STPG2: variants seen among roughly 807,000 people sequenced by gnomAD.
STPG2 encodes the protein sperm tail PG-rich repeat containing 2, also known as sperm-tail PG-rich repeat-containing protein 2.
A neutral mutation model predicts 54.2 loss-of-function variants in STPG2; 56 were observed. The ratio of observed to expected loss-of-function variants is 1.03; its 90% confidence interval spans 0.83 to 1.29. The LOEUF is 1.29. Ranked by LOEUF, STPG2 falls within the 50% of genes most tolerant of loss-of-function variation. STPG2 has a pLI of 0.00. For missense variants in STPG2, 596 were observed against 544.9 expected, an observed-to-expected ratio of 1.09 and a Z score of -0.93; for synonymous variants, 200 against 181.8, an observed-to-expected ratio of 1.10 and a Z score of -0.81.
intron 4 of STPG2, among the ~76,000 whole-genome samples, chr4:97,510,455 G>A (rs1193522901): frequency 6.6e-6 from 1 of 152,052 alleles, no homozygotes; most frequent in Non-Finnish European, 1.5e-5. Flanking sequence ...GTAGATAACT[G>A]CAAATCATTG....
intron 10 of STPG2, among the ~76,000 whole-genome samples, chr4:97,578,445 A>G (rs1386606164): frequency 1.3e-5 from 2 of 152,128 alleles, no homozygotes; most frequent in Admixed American, 1.3e-4. Flanking sequence ...TTGCATCTGA[A>G]GAAGGGAGCA....
At chr4:98,012,215 C>G (rs1735778015) in intron 5 of STPG2, among the ~76,000 whole-genome samples, 1 of 152,056 alleles carries the variant, frequency 6.6e-6, no homozygotes, top group Admixed American at 6.6e-5. Flanking sequence ...GAATCCTTTC[C>G]CCATTGCTTG....
intron 3 of STPG2, among the ~76,000 whole-genome samples, chr4:98,122,510 CAT>C (rs1454290404): frequency 4.6e-5 from 7 of 152,104 alleles, no homozygotes; most frequent in African/African-American, 1.7e-4. Flanking sequence ...TATTAATTTG[CAT>C]ATGTTGAACC....
chr4:98,067,113 A>C (rs1426664), intron 5 of STPG2, among the ~76,000 whole-genome samples: 59,975 of 152,012 alleles, frequency 0.39, 12,064 homozygotes, highest in Middle Eastern at 0.47. Context: ...CACCCCTCTC[A>C]TTTTTAGAAA....
chr4:98,023,388 T>C (rs981183325), intron 5 of STPG2, among the ~76,000 whole-genome samples: 1 of 152,176 alleles, frequency 6.6e-6, no homozygotes, highest in Non-Finnish European at 1.5e-5. Flanking sequence ...TGATCAGTCC[T>C]CTGGAAGTTT....
intron 4 of STPG2, among the ~76,000 whole-genome samples, chr4:97,509,218 G>GAA (rs1730919318): frequency 6.6e-6 from 1 of 151,904 alleles, no homozygotes; most frequent in African/African-American, 2.4e-5. Context: ...CCCAAAGGTG[G>GAA]AAAAGAATTT....
intron 8 of STPG2, among the ~76,000 whole-genome samples, chr4:97,903,082 G>A (rs1032073368): frequency 1.3e-5 from 2 of 152,114 alleles, no homozygotes; most frequent in Non-Finnish European, 2.9e-5. Context: ...AAAATGAGAT[G>A]GTGGTCAAAG....
rs558706052 is a variant in STPG2 at position 97,995,026 on chromosome 4, T to A, written c.613-13708A>T. Reference sequence around the variant, plus strand: ...TGGTTCCCAGGCCAATGGAGTTATGTTCCCAGAGGGATTATGGTTGTCTTT... The same window carrying A: ...TGGTTCCCAGGCCAATGGAGTTATGATCCCAGAGGGATTATGGTTGTCTTT... On this transcript the variant is annotated intron_variant, in intron 5 of 10. Coordinates refer to ENST00000295268, the MANE Select transcript of STPG2 (RefSeq NM_174952.3). 3.3e-5 allele frequency among the ~76,000 whole-genome samples: 5 copies of A among 152,120 alleles called. No individual in the cohort carries two copies. In the East Asian group the frequency reaches 9.7e-4, roughly 29 times the overall value.
At chr4:97,934,135 G>A (rs778571358) in intron 8 of STPG2, among the ~76,000 whole-genome samples, 10 of 152,102 alleles carry the variant, frequency 6.6e-5, no homozygotes, top group Non-Finnish European at 1.0e-4. Flanking sequence ...AGTGTGAATG[G>A]GAATTACTCA....
chr4:98,090,239 T>C (rs2110125591), intron 5 of STPG2, among the ~76,000 whole-genome samples: 1 of 152,204 alleles, frequency 6.6e-6, no homozygotes, highest in Admixed American at 6.5e-5. Context: ...AGGTGAGAGA[T>C]GGAGATCCAA....
intron 10 of STPG2, among the ~76,000 whole-genome samples, chr4:97,688,083 T>C (rs1307462925): frequency 6.6e-6 from 1 of 152,174 alleles, no homozygotes; most frequent in Non-Finnish European, 1.5e-5. Flanking sequence ...AAATATTTAT[T>C]TAAAACCCAA....
intron 4 of STPG2, among the ~76,000 whole-genome samples, chr4:97,461,418 G>C (rs1481988843): frequency 6.6e-6 from 1 of 152,180 alleles, no homozygotes. Context: ...GAGGTAATTA[G>C]ATCACGATGG....
chr4:97,796,472 T>G (rs1052507995), intron 9 of STPG2, among the ~76,000 whole-genome samples: 2 of 152,146 alleles, frequency 1.3e-5, no homozygotes, highest in Non-Finnish European at 2.9e-5. Context: ...TTTCCCCATT[T>G]CTTGTTTGTG....
At chr4:97,714,610 T>C (rs1186792620) in intron 9 of STPG2, among the ~76,000 whole-genome samples, 1 of 152,138 alleles carries the variant, frequency 6.6e-6, no homozygotes, top group Non-Finnish European at 1.5e-5. Context: ...TGCACAACTT[T>C]GGAATAATAT....
At chr4:97,592,177 T>C (rs1032038664) in intron 10 of STPG2, among the ~76,000 whole-genome samples, 5 of 152,072 alleles carry the variant, frequency 3.3e-5, no homozygotes, top group Admixed American at 6.6e-5. Flanking sequence ...TAAAATTTTT[T>C]AATTACCATA....
chr4:97,961,416 C>T (rs1401125350), intron 7 of STPG2, among the ~76,000 whole-genome samples: 3 of 152,156 alleles, frequency 2.0e-5, no homozygotes, highest in Admixed American at 6.6e-5. Context: ...GCAGAGTAAA[C>T]AGACAACCCA....
At chr4:97,595,389 A>T (rs1004970321) in intron 10 of STPG2, among the ~76,000 whole-genome samples, 20 of 152,266 alleles carry the variant, frequency 1.3e-4, no homozygotes, top group African/African-American at 4.8e-4. Flanking sequence ...CATAGGTGGG[A>T]ATTGAACAAT....
chr4:97,788,584 T>C (rs928652884), intron 9 of STPG2, among the ~76,000 whole-genome samples: 2 of 152,130 alleles, frequency 1.3e-5, no homozygotes, highest in African/African-American at 4.8e-5. Context: ...CTTTTGGGTA[T>C]ATATCCAGCA....
chr4:97,512,932 C>T (rs1003049018), intron 4 of STPG2, among the ~76,000 whole-genome samples: 25 of 152,046 alleles, frequency 1.6e-4, no homozygotes, highest in African/African-American at 5.8e-4. Context: ...CAATTCAATT[C>T]TGACACTATC....
Sources: allele counts gnomAD v4.1 joint callset (sites outside exome capture counted in the v4.1 genomes callset), GRCh38; gene constraint gnomAD v4.1.1; transcripts MANE v1.5; gene names NCBI Gene and HGNC (gene_info 2026-07-23, HGNC 2026-07-21).